WNT2: variants seen among roughly 807,000 people sequenced by gnomAD.
WNT2 encodes the protein Wnt family member 2.
WNT2 carries 12 observed loss-of-function variants against 36.9 expected under a neutral mutation model. The ratio of observed to expected loss-of-function variants is 0.33; its 90% CI spans 0.21 to 0.53. The LOEUF (loss-of-function observed/expected upper bound fraction) is 0.53. Among genes scored for constraint, WNT2 ranks in the 20% least tolerant of loss-of-function variants. WNT2 has a pLI of 0.95. For synonymous variants in WNT2, 163 were observed against 174.6 expected (o/e 0.93, Z 0.52); for missense variants, 379 against 473.1 (o/e 0.80, Z 1.84).
intron 3 of WNT2, 146 bp downstream of exon 3, chr7:117,314,925 C>T (rs190859783): frequency 3.2e-5 from 40 of 1,260,328 alleles, no homozygotes; most frequent in South Asian, 3.0e-4. Context: ...GGTATTCTTC[C>T]GAACAAACAG....
At chr7:117,313,433 T>C (rs1795159356) in intron 3 of WNT2, among the ~76,000 whole-genome samples, 1 of 152,252 alleles carries the variant, frequency 6.6e-6, no homozygotes, top group Non-Finnish European at 1.5e-5. Context: ...TGTTCACCTC[T>C]ACACGGTGAA....
At chr7:117,293,195 G>A (rs1794724970) in intron 4 of WNT2, among the ~76,000 whole-genome samples, 1 of 147,794 alleles carries the variant, frequency 6.8e-6, no homozygotes, top group Non-Finnish European at 1.5e-5. Flanking sequence ...GGTTTCTGAA[G>A]AGCCACTTCC....
intron 2 of WNT2, among the ~76,000 whole-genome samples, chr7:117,319,572 T>G (rs1446837769): frequency 6.6e-6 from 1 of 152,130 alleles, no homozygotes; most frequent in Non-Finnish European, 1.5e-5. Flanking sequence ...TTTTGGGGGT[T>G]TGCACATAAA....
intron 3 of WNT2, among the ~76,000 whole-genome samples, chr7:117,300,479 C>G (rs892243013): frequency 3.3e-5 from 5 of 152,120 alleles, no homozygotes; most frequent in Non-Finnish European, 5.9e-5. Context: ...GCCATCGTAC[C>G]TGGCCATGTT....
intron 3 of WNT2, among the ~76,000 whole-genome samples, chr7:117,311,203 T>C (rs950408141): frequency 6.6e-6 from 1 of 152,200 alleles, no homozygotes; most frequent in Non-Finnish European, 1.5e-5. Context: ...AAAACCACTT[T>C]TCCTTGTCGT....
rs1042692015 is a variant in WNT2, at chr7:117,284,362, A to T, written c.854-5978T>A. On this transcript the variant is annotated intron_variant, in intron 4 of 4. Transcript: ENST00000265441. This position sits in a 1 kb window ranked among gnomAD's most constrained non-coding sequence, Gnocchi z 5.2. ...ATATAAGAACCAAGAGTATGTGTGT[A>T]TGTGTGTGTGTTTTAATGAAAAGGA... 6.6e-6 allele frequency among the ~76,000 whole-genome samples: 1 copy of T among 152,248 alleles called. No homozygotes were observed. The highest frequency in any genetic ancestry group is 6.5e-5 in the Admixed American group (1 of 15,304).
At chr7:117,304,683 G>A (rs1178179512) in intron 3 of WNT2, among the ~76,000 whole-genome samples, 5 of 152,058 alleles carry the variant, frequency 3.3e-5, no homozygotes, top group East Asian at 1.9e-4. Flanking sequence ...TGATCCACCC[G>A]CCTTGGCCTC....
intron 3 of WNT2, among the ~76,000 whole-genome samples, chr7:117,308,908 G>A (rs556808520): frequency 6.6e-6 from 1 of 152,070 alleles, no homozygotes; most frequent in Admixed American, 6.5e-5. Flanking sequence ...TCTTGGCCAG[G>A]CACAGTGGCT....
intron 4 of WNT2, among the ~76,000 whole-genome samples, chr7:117,282,817 CAAG>C (rs992252899): frequency 1.3e-5 from 2 of 152,044 alleles, no homozygotes; most frequent in African/African-American, 4.8e-5. Flanking sequence ...GGAGTGAGGA[CAAG>C]AAGACAAGTT....
At position 117,315,042 on chromosome 7, in the gene WNT2, A is replaced by G. The variant is rs200768583; in HGVS notation, c.588+29T>C. On this transcript the variant is annotated intron_variant, in intron 3 of 4. Coordinates refer to ENST00000265441, the MANE Select transcript of WNT2 (RefSeq NM_003391.3). Reference sequence around the variant, plus strand: ...AGTGGTTTATAAAGCCATGCAGCCTACAAAATGAGCACCGTTGCATTTCCA... The same window carrying G: ...AGTGGTTTATAAAGCCATGCAGCCTGCAAAATGAGCACCGTTGCATTTCCA... The G allele has an allele frequency of 3.5e-4, 566 of 1,609,832 alleles. 8 individuals are homozygous for G. The South Asian group carries it at 5.8e-3, about 17-fold the overall frequency.
At chr7:117,302,264 A>T (rs528663956) in intron 3 of WNT2, among the ~76,000 whole-genome samples, 33 of 152,374 alleles carry the variant, frequency 2.2e-4, no homozygotes, top group Admixed American at 2.1e-3. Context: ...AATACAAAGT[A>T]CTAACAAAAG....
intron 4 of WNT2, among the ~76,000 whole-genome samples, chr7:117,297,187 C>G (rs185471948): frequency 6.6e-6 from 1 of 152,166 alleles, no homozygotes; most frequent in African/African-American, 2.4e-5. Flanking sequence ...TGTGCACTGT[C>G]AATCCATTTC....
chr7:117,322,688 A>G lies in WNT2; in HGVS notation c.83+219T>C, dbSNP rs1795352550. On this transcript the variant is annotated intron_variant, in intron 1 of 4. Transcript: ENST00000265441. The surrounding 1 kb of genome is among the most constrained non-coding windows in gnomAD (Gnocchi z 5.4). ...AACCAAACATCGGAGCTCTCATTTG[A>G]GGGGGAATGTGGTTTTATGGAGTTG... Among the ~76,000 whole-genome samples the G allele has an allele frequency of 6.6e-6, 1 of 151,930 alleles. No homozygotes were observed. Among genetic ancestry groups the G allele is most frequent in the African/African-American group, 2.4e-5 (1 of 41,358 alleles).
intron 3 of WNT2, among the ~76,000 whole-genome samples, chr7:117,308,528 T>C (rs967788549): frequency 6.6e-6 from 1 of 152,266 alleles, no homozygotes; most frequent in Non-Finnish European, 1.5e-5. Flanking sequence ...TAAAGATCTC[T>C]AATATCAAGC....
rs752741213 is a variant in WNT2 at position 117,322,920 on chromosome 7, T to C, written c.70A>G (p.Asn24Asp). Residue 24 changes from asparagine (N) to aspartate (D), a missense_variant, in exon 1 of 5, where the codon AAC (asparagine) becomes GAC (aspartate). Coordinates refer to ENST00000265441, the MANE Select transcript of WNT2 (RefSeq NM_003391.3). The surrounding 1 kb of genome is among the most constrained non-coding windows in gnomAD (Gnocchi z 5.4). ...LLLTWLTPEV[N>D]SSWWYMRATG... is the part of the protein sequence containing the mutation. Reference sequence around the variant, plus strand: ...GCGTGGACTTACCACCATGAAGAGTTGACCTCGGGGGTGAGCCAGGTCAAG... The same window carrying C: ...GCGTGGACTTACCACCATGAAGAGTCGACCTCGGGGGTGAGCCAGGTCAAG... 1 of 1,613,756 alleles carries C rather than the reference T, an allele frequency of 6.2e-7. No homozygotes were observed. The highest frequency in any genetic ancestry group is 1.1e-5 in the South Asian group (1 of 91,076).
intron 3 of WNT2, among the ~76,000 whole-genome samples, chr7:117,300,216 C>G (rs1794876280): frequency 1.3e-5 from 2 of 152,120 alleles, no homozygotes; most frequent in South Asian, 4.1e-4. Context: ...GAGACTGTGT[C>G]TTGCTCTGTT....
chr7:117,311,315 T>C (rs963290266), intron 3 of WNT2, among the ~76,000 whole-genome samples: 6 of 152,114 alleles, frequency 3.9e-5, no homozygotes, highest in Non-Finnish European at 7.4e-5. Flanking sequence ...TGCTGGTTTT[T>C]CCCCCGTACA....
intron 3 of WNT2, among the ~76,000 whole-genome samples, chr7:117,307,914 G>A (rs748055229): frequency 1.2e-4 from 18 of 152,142 alleles, no homozygotes; most frequent in Non-Finnish European, 2.2e-4. Flanking sequence ...AAATTATTTA[G>A]TTAAACTTGA....
chr7:117,291,493 G>C (rs1001172871), intron 4 of WNT2, among the ~76,000 whole-genome samples: 16 of 152,194 alleles, frequency 1.1e-4, no homozygotes, highest in African/African-American at 3.9e-4. Context: ...TTGATTTACA[G>C]ATGCCTGGAG....
Sources: gnomAD v4.1 joint callset for allele counts (sites outside exome capture counted in the v4.1 genomes callset) on GRCh38, gnomAD v4.1.1 for gene constraint, Gnocchi (gnomAD v3.1) non-coding constraint, MANE v1.5 for transcripts, NCBI Gene and HGNC (gene_info 2026-07-23, HGNC 2026-07-21) for gene names.